Variants in KCNK2 observed in about 807,000 individuals in gnomAD.
KCNK2 encodes potassium channel subfamily K member 2.
Under a neutral mutation model 40.5 loss-of-function variants are expected in KCNK2, and 21 were observed. The ratio of observed to expected loss-of-function variants is 0.52; its 90% confidence interval spans 0.37 to 0.75. The LOEUF (loss-of-function observed/expected upper bound fraction) is 0.75. Ranked by LOEUF, KCNK2 falls within the 30% of genes least tolerant of loss-of-function variation. The pLI is 0.00. For missense variants in KCNK2, 399 were observed against 531.6 expected (o/e 0.75, Z 2.45); for synonymous variants, 191 against 202.2 (o/e 0.94, Z 0.47).
chr1:215,019,436 A>G (rs1377231410), intron 1 of KCNK2, among the ~76,000 whole-genome samples: 1 of 152,226 alleles, frequency 6.6e-6, no homozygotes, highest in Admixed American at 6.5e-5. Context: ...TAATCAGCTG[A>G]GACACCCAAT....
At chr1:215,032,407 CAAAACAAAAACA>C (rs974307581) in intron 1 of KCNK2, among the ~76,000 whole-genome samples, 1 of 151,572 alleles carries the variant, frequency 6.6e-6, no homozygotes, top group Non-Finnish European at 1.5e-5. Context: ...GATCCCATCT[CAAAACAAAAACA>C]AAAACAAAAA....
intron 2 of KCNK2, among the ~76,000 whole-genome samples, chr1:215,096,208 G>C (rs914531842): frequency 6.6e-6 from 1 of 151,558 alleles, no homozygotes; most frequent in Non-Finnish European, 1.5e-5. Context: ...GTGTGTGTGT[G>C]AACATACACA....
chr1:215,051,228 A>G (rs761626240), intron 1 of KCNK2, among the ~76,000 whole-genome samples: 29 of 152,294 alleles, frequency 1.9e-4, no homozygotes, highest in Admixed American at 3.3e-4. Flanking sequence ...GATGTGCACC[A>G]CCATGCATGG....
At chr1:215,080,842 T>C (rs1373697237), upstream of KCNK2, among the ~76,000 whole-genome samples, 1 of 152,162 alleles carries the variant, frequency 6.6e-6, no homozygotes, top group Non-Finnish European at 1.5e-5. Flanking sequence ...TAGGCTACAG[T>C]GTTCAGTTAT....
chr1:215,223,200 T>G (rs12080135), intron 6 of KCNK2, among the ~76,000 whole-genome samples: 32,476 of 121,668 alleles, frequency 0.27, 4,187 homozygotes, highest in African/African-American at 0.41. Context: ...GTTCCCCACA[T>G]CAAAAACAAT....
chr1:215,058,646 T>G (rs541172694), intron 1 of KCNK2, among the ~76,000 whole-genome samples: 6 of 152,308 alleles, frequency 3.9e-5, no homozygotes, highest in African/African-American at 1.4e-4. Flanking sequence ...CATTGTACTA[T>G]GTTTAAAATC....
chr1:215,083,194 T>TCCCCCCCACCCCCC lies in KCNK2; in HGVS notation c.-185_-184insACCCCCCCCCCCCC. On this transcript the variant is annotated 5_prime_UTR_variant, in exon 1 of 7. Transcript: ENST00000444842. ...CCCGCGATTTCGTTTCTTCTCACGC[T>TCCCCCCCACCCCCC]CCCCCCCCCGCCCCCTCCCGCGTCC... is the stretch of plus-strand genomic sequence containing the variant. 1 of 501,814 alleles carries TCCCCCCCACCCCCC rather than the reference T, an allele frequency of 2.0e-6. No individual in the cohort carries two copies. Among genetic ancestry groups the TCCCCCCCACCCCCC allele is most frequent in the Non-Finnish European group, 3.3e-6 (1 of 301,554 alleles). The allele number at this position is 501,814 out of a possible 1,614,324, so 31.1% of individuals were successfully genotyped here.
intron 2 of KCNK2, among the ~76,000 whole-genome samples, chr1:215,113,245 G>T (rs1323356965): frequency 1.3e-5 from 2 of 151,890 alleles, no homozygotes; most frequent in Non-Finnish European, 2.9e-5. Flanking sequence ...TTTTTGCTTA[G>T]AACTTTCAGT....
In KCNK2 at chr1:215,237,026, A is replaced by C. The variant is rs1033762960; in HGVS notation, c.*1881A>C. ...TCAAATAACTGTTCCGAAAATTTATATGGTGGAATGCGCCATGTATAAACT... is the reference window on the plus strand; with the variant it reads ...TCAAATAACTGTTCCGAAAATTTATCTGGTGGAATGCGCCATGTATAAACT... On this transcript the variant is annotated 3_prime_UTR_variant, in exon 7 of 7. Coordinates refer to ENST00000444842, the MANE Select transcript of KCNK2 (RefSeq NM_001017425.3). 2.6e-5 allele frequency: 4 copies of C among 152,590 alleles called. No homozygotes were observed. The highest frequency in any genetic ancestry group is 1.5e-5 in the Non-Finnish European group (1 of 68,020). 9.5% of individuals were successfully genotyped at this position (152,590 alleles called of 1,614,324 possible).
chr1:215,013,469 C>T (rs1281924170), intron 1 of KCNK2, among the ~76,000 whole-genome samples: 2 of 151,994 alleles, frequency 1.3e-5, no homozygotes, highest in Admixed American at 6.6e-5. Flanking sequence ...GTATTTATGT[C>T]GGGATTTTAA....
At chr1:215,018,374 T>C (rs559651831) in intron 1 of KCNK2, among the ~76,000 whole-genome samples, 1 of 152,306 alleles carries the variant, frequency 6.6e-6, no homozygotes, top group East Asian at 1.9e-4. Flanking sequence ...GAAGCTCTCA[T>C]GACTAATTAT....
At chr1:215,057,711 G>C (rs1400684468) in intron 1 of KCNK2, among the ~76,000 whole-genome samples, 4 of 152,182 alleles carry the variant, frequency 2.6e-5, no homozygotes, top group Non-Finnish European at 5.9e-5. Flanking sequence ...GGCAGTGCAG[G>C]AAGGAGAAGG....
rs531657423 is a variant in KCNK2 at position 215,161,947 on chromosome 1, C to T, written c.476-7252C>T. Among the ~76,000 whole-genome samples the T allele has an allele frequency of 7.0e-4, 107 of 152,166 alleles. 1 individual carries two copies. The highest frequency in any genetic ancestry group is 2.3e-3 in the African/African-American group (94 of 41,536). On this transcript the variant is annotated intron_variant, in intron 3 of 6. Transcript: ENST00000444842. ...AATCCTTTGGGCATATAACCACTAA[C>T]GGGATTGCTGGGTCAAATGGTATTT... is the stretch of plus-strand genomic sequence containing the variant.
At chr1:215,035,928 GTTT>G (rs35528319) in intron 1 of KCNK2, among the ~76,000 whole-genome samples, 2 of 150,274 alleles carry the variant, frequency 1.3e-5, no homozygotes, top group African/African-American at 4.9e-5. Flanking sequence ...GTTTTGAGGA[GTTT>G]TTTTTTTAAA....
chr1:215,126,645 T>C (rs1661449224), intron 3 of KCNK2, among the ~76,000 whole-genome samples: 1 of 152,158 alleles, frequency 6.6e-6, no homozygotes, highest in Non-Finnish European at 1.5e-5. Context: ...ATAAACAGTC[T>C]CATTTTTTGA....
intron 1 of KCNK2, among the ~76,000 whole-genome samples, chr1:215,052,167 A>T (rs2802652): frequency 0.85 from 129,515 of 152,072 alleles, 55,422 homozygotes; most frequent in East Asian, 0.99. Context: ...ATGAATGTAA[A>T]CACACCGAAA....
At chr1:215,070,281 T>C (rs925545701) in intron 1 of KCNK2, among the ~76,000 whole-genome samples, 4 of 151,418 alleles carry the variant, frequency 2.6e-5, no homozygotes, top group African/African-American at 9.7e-5. Context: ...CCGGATGTGG[T>C]GGCGGGCACC....
intron 1 of KCNK2, among the ~76,000 whole-genome samples, chr1:215,016,866 C>A (rs1656606641): frequency 6.6e-6 from 1 of 151,922 alleles, no homozygotes; most frequent in African/African-American, 2.4e-5. Flanking sequence ...GGGTTAATAT[C>A]CAAAATACAT....
chr1:215,207,306 T>C (rs891433307), intron 6 of KCNK2, among the ~76,000 whole-genome samples: 3 of 152,130 alleles, frequency 2.0e-5, no homozygotes, highest in Non-Finnish European at 4.4e-5. Flanking sequence ...GGAACCCTAT[T>C]GTGAACTGTG....
Sources: gnomAD v4.1 joint callset for allele counts (sites outside exome capture counted in the v4.1 genomes callset) on GRCh38, gnomAD v4.1.1 for gene constraint, MANE v1.5 for transcripts, NCBI Gene and HGNC (gene_info 2026-07-23, HGNC 2026-07-21) for gene names.